Variants in FLT4 observed in about 807,000 individuals in gnomAD.
FLT4 encodes the protein fms related receptor tyrosine kinase 4.
Under a neutral mutation model 163.2 loss-of-function variants are expected in FLT4, and 30 were observed. The ratio of observed to expected loss-of-function variants is 0.18; its 90% CI spans 0.14 to 0.25. The LOEUF (loss-of-function observed/expected upper bound fraction) is 0.25. Among genes scored for constraint, FLT4 ranks in the 10% least tolerant of loss-of-function variants. FLT4 has a pLI of 1.00. For missense variants in FLT4, 1,510 were observed against 1,863.8 expected (o/e 0.81, Z 3.50); for synonymous variants, 884 against 789.5 (o/e 1.12, Z -2.01).
chr5:180,644,895 G>C (rs1368656765), intron 1 of FLT4, among the ~76,000 whole-genome samples: 1 of 152,258 alleles, frequency 6.6e-6, no homozygotes, highest in East Asian at 1.9e-4. Context: ...CTGTGAGCGG[G>C]AACGAAGCCA....
At chr5:180,611,577 A>ACCCCCGCCCTCAGCCCTCG (rs986127742) in intron 26 of FLT4, 98 bp from the exon 27 acceptor site, 7 of 1,088,194 alleles carry the variant, frequency 6.4e-6, no homozygotes, top group African/African-American at 6.2e-5. Context: ...CTCAGCCCTC[A>ACCCCCGCCCTCAGCCCTCG]CCCCCGCCCT....
intron 29 of FLT4, among the ~76,000 whole-genome samples, 165 bp from the exon 30 acceptor site, chr5:180,603,555 T>A (rs544818734): frequency 1.3e-5 from 2 of 152,186 alleles, no homozygotes; most frequent in East Asian, 3.9e-4. Flanking sequence ...CTACAAAAAA[T>A]ACAAAAATTA....
Position 180,620,424 on chromosome 5 carries a change from GA to G in FLT4, c.2407-117del, listed in dbSNP as rs1297178775. The G allele has an allele frequency of 7.2e-7, 1 of 1,394,504 alleles. No homozygotes were observed. Among genetic ancestry groups the G allele is most frequent in the Non-Finnish European group, 1.0e-6 (1 of 990,778 alleles). The allele number at this position is 1,394,504 out of a possible 1,614,324, so 86.4% of individuals were successfully genotyped here. A position where few individuals can be genotyped will look rare whatever the true frequency, so the allele number is the denominator to read the frequency against. On this transcript the variant is annotated intron_variant, in intron 16 of 29. Coordinates refer to ENST00000261937, the MANE Select transcript of FLT4 (RefSeq NM_182925.5). The surrounding 1 kb of genome is among the most constrained non-coding windows in gnomAD (Gnocchi z 4.4). ...ACTTCCTGCGGGGTTCTCAGTCAAG[GA>G]GGGGACAGAAAAAAAGACAGACAAC...
Position 180,614,168 on chromosome 5 carries a change from G to A in FLT4, c.3231C>T (p.Pro1077=), listed in dbSNP as rs764054461. 4 of 1,612,938 alleles carry A rather than the reference G, an allele frequency of 2.5e-6. No individual in the cohort carries two copies. The highest frequency in any genetic ancestry group is 1.3e-5 in the African/African-American group (1 of 75,024). The change falls in exon 24 of 30, where the codon CCC becomes CCT. Residue 1077 remains proline (P), a synonymous_variant. Transcript: ENST00000261937. The part of the protein sequence containing the change: ...DYVRKGSARL[P]LKWMAPESIF... ...TGCTTTCAGGGGCCATCCACTTCAGGGGCAGCCGGGCCTGGGGAGACAGAG... is the reference window on the plus strand; with the variant it reads ...TGCTTTCAGGGGCCATCCACTTCAGAGGCAGCCGGGCCTGGGGAGACAGAG...
In FLT4 at chr5:180,631,913, G is replaced by A. The variant is rs112796543; in HGVS notation, c.59-135C>T. ...GCAGCTCAGGTTCTCAGCCAGCACC[G>A]CGTGGCCTGGCCTCACCATGTGCGC... On this transcript the variant is annotated intron_variant, in intron 1 of 29. Transcript: ENST00000261937. 419 of 126,028 alleles carry A rather than the reference G, an allele frequency of 3.3e-3. 1 individual carries two copies. Among genetic ancestry groups the A allele is most frequent in the Admixed American group, 5.9e-3 (39 of 6,572 alleles). 7.8% of individuals were successfully genotyped at this position (126,028 alleles called of 1,614,324 possible). A position where few individuals can be genotyped will look rare whatever the true frequency, so the allele number is the denominator to read the frequency against.
intron 29 of FLT4, among the ~76,000 whole-genome samples, chr5:180,606,146 T>A (rs763316439): frequency 6.6e-6 from 1 of 152,236 alleles, no homozygotes; most frequent in Admixed American, 6.5e-5. Flanking sequence ...CTGCTGCCGA[T>A]ACAGGGTGGT....
chr5:180,631,996 A>G (rs1764209625), intron 1 of FLT4, among the ~76,000 whole-genome samples: 1 of 151,856 alleles, frequency 6.6e-6, no homozygotes, highest in Non-Finnish European at 1.5e-5. Flanking sequence ...CCACAGGCGC[A>G]CCCTGCCTTG....
rs928804532 is a variant in FLT4, at chr5:180,626,004, G to T, written c.1286C>A (p.Ala429Asp). 1 of 1,612,698 alleles carries T rather than the reference G, an allele frequency of 6.2e-7. No individual in the cohort carries two copies. The highest frequency in any genetic ancestry group is 8.5e-7 in the Non-Finnish European group (1 of 1,179,944). Reference sequence around the variant, plus strand: ...ACGCGAGTAGATGCTGGGGGAGGAGGCCTCCTTCTCATGTATCTGGGGGGG... The same window carrying T: ...ACGCGAGTAGATGCTGGGGGAGGAGTCCTCCTTCTCATGTATCTGGGGGGG... ...NVPPQIHEKEASSPSIYSRHS... is the reference protein window; with the variant it reads ...NVPPQIHEKEDSSPSIYSRHS... The change falls in exon 10 of 30, where the codon GCC (alanine) becomes GAC (aspartate). Residue 429 changes from alanine to aspartate, a missense_variant. Ala to Asp is a moderately radical substitution (Grantham distance 126). Coordinates refer to ENST00000261937, the MANE Select transcript of FLT4 (RefSeq NM_182925.5).
rs192884035 is a variant in FLT4, at chr5:180,637,993, C to T, written c.59-6215G>A. Among the ~76,000 whole-genome samples the T allele has an allele frequency of 1.8e-3, 281 of 152,260 alleles. 5 individuals carry two copies. Among genetic ancestry groups the T allele is most frequent in the African/African-American group, 6.5e-3 (268 of 41,532 alleles). On this transcript the variant is annotated intron_variant, in intron 1 of 29. Coordinates refer to ENST00000261937, the MANE Select transcript of FLT4 (RefSeq NM_182925.5). The stretch of plus-strand genomic sequence containing the variant: ...AGTGCAGCTCCTTCACTTCACAGAG[C>T]CACTGGGCGGGGCTCTTATGACCTC...
intron 28 of FLT4, 146 bp from the exon 29 acceptor site, chr5:180,609,199 T>C: frequency 1.4e-6 from 1 of 699,774 alleles, no homozygotes; most frequent in South Asian, 1.5e-5. Context: ...AAACAAGGCG[T>C]CCATTCCATC....
intron 12 of FLT4, among the ~76,000 whole-genome samples, chr5:180,622,167 T>C (rs893179979): frequency 6.6e-6 from 1 of 152,168 alleles, no homozygotes; most frequent in African/African-American, 2.4e-5. Flanking sequence ...TCCCTGGCTT[T>C]TCCCAGTGCC....
intron 11 of FLT4, among the ~76,000 whole-genome samples, 154 bp from the exon 12 acceptor site, chr5:180,622,993 G>A (rs1763285076): frequency 6.6e-6 from 1 of 152,148 alleles, no homozygotes. Context: ...ACAGGACCAG[G>A]GATAGTGAGG....
intron 8 of FLT4, among the ~76,000 whole-genome samples, chr5:180,626,739 G>C (rs1581666907): frequency 2.0e-5 from 3 of 152,220 alleles, no homozygotes; most frequent in Admixed American, 2.0e-4. Flanking sequence ...GAGTGGAGGT[G>C]CAGTCCCTGC....
rs768814790 is a variant in FLT4, at chr5:180,614,108, C to T, written c.3291G>A (p.Val1097=). ...CCCAGAGAAGCACCCCAAAGGACCACACGTCACTCTGCGTGGTGTACACCT... is the reference window on the plus strand; with the variant it reads ...CCCAGAGAAGCACCCCAAAGGACCATACGTCACTCTGCGTGGTGTACACCT... ...FDKVYTTQSD[V]WSFGVLLWEI... Residue 1097 remains valine (V), a synonymous_variant, in exon 24 of 30, where the codon GTG becomes GTA. Coordinates refer to ENST00000261937, the MANE Select transcript of FLT4 (RefSeq NM_182925.5). The T allele has an allele frequency of 4.3e-6, 7 of 1,614,022 alleles. No homozygotes were observed. The African/African-American group carries it at 8.0e-5, about 18-fold the overall frequency.
chr5:180,623,310 C>T lies in FLT4; in HGVS notation c.1549-471G>A, dbSNP rs573255118. On this transcript the variant is annotated intron_variant, in intron 11 of 29. Transcript: ENST00000261937. This position sits in a 1 kb window ranked among gnomAD's most constrained non-coding sequence, Gnocchi z 5.8. ...CCAGAACTGTCCTCAGCAGCAATCCCGAGGCCCAGGGTTATTGAGAGGGGT... is the reference window on the plus strand; with the variant it reads ...CCAGAACTGTCCTCAGCAGCAATCCTGAGGCCCAGGGTTATTGAGAGGGGT... Among the ~76,000 whole-genome samples the T allele has an allele frequency of 4.3e-4, 65 of 152,200 alleles. No individual in the cohort carries two copies. The highest frequency in any genetic ancestry group is 1.4e-3 in the African/African-American group (60 of 41,538).
At chr5:180,625,213 C>G (rs1763507091) in intron 10 of FLT4, among the ~76,000 whole-genome samples, 2 of 152,368 alleles carry the variant, frequency 1.3e-5, no homozygotes, top group South Asian at 4.1e-4. Flanking sequence ...CCTTCACTGG[C>G]TCCCTAGTGC....
rs768227334 is a variant in FLT4 at position 180,616,347 on chromosome 5, C to A, written c.3219+20G>T. The A allele has an allele frequency of 6.2e-7, 1 of 1,613,860 alleles. No homozygotes were observed. The highest frequency in any genetic ancestry group is 8.5e-7 in the Non-Finnish European group (1 of 1,179,954). On this transcript the variant is annotated intron_variant, in intron 23 of 29. Coordinates refer to ENST00000261937, the MANE Select transcript of FLT4 (RefSeq NM_182925.5). ...ACCTGTTCCGCCCCACGTTCCCTCT[C>A]CTCAATGGCCTGCACTCACACTGCC...
In FLT4 at chr5:180,629,011, GAGA is replaced by G; in HGVS notation, c.986-15_986-13del. The G allele has an allele frequency of 6.2e-7, 1 of 1,602,822 alleles. No individual in the cohort carries two copies. Among genetic ancestry groups the G allele is most frequent in the Non-Finnish European group, 8.5e-7 (1 of 1,171,036 alleles). On this transcript the variant is annotated splice_polypyrimidine_tract_variant and intron_variant, in intron 7 of 29. Coordinates refer to ENST00000261937, the MANE Select transcript of FLT4 (RefSeq NM_182925.5). ...GATGAAGGGATTTTCTGCCGGACAGGAGAAGTCACTGTAAATCCAGGACTGACC... is the reference window on the plus strand; with the variant it reads ...GATGAAGGGATTTTCTGCCGGACAGGAGTCACTGTAAATCCAGGACTGACC...
chr5:180,611,341 G>A lies in FLT4; in HGVS notation c.3676C>T (p.Leu1226=). The part of the protein sequence containing the change: ...DSPPSLQRHS[L]AARYYNWVSF... ...TGCAGGACAGCTGACCTGGCGGCCA[G>A]GCTGTGGCGCTGCAGGCTTGGCGGG... is the stretch of plus-strand genomic sequence containing the variant. The change falls in exon 27 of 30, where the codon CTG becomes TTG. Residue 1226 remains leucine (L), a synonymous_variant. Coordinates refer to ENST00000261937, the MANE Select transcript of FLT4 (RefSeq NM_182925.5). 1 of 1,613,920 alleles carries A rather than the reference G, an allele frequency of 6.2e-7. No homozygotes were observed. Among genetic ancestry groups the A allele is most frequent in the South Asian group, 1.1e-5 (1 of 91,088 alleles).
Sources: allele counts gnomAD v4.1 joint callset (sites outside exome capture counted in the v4.1 genomes callset), GRCh38; gene constraint gnomAD v4.1.1; non-coding constraint Gnocchi (gnomAD v3.1); transcripts MANE v1.5; gene names NCBI Gene and HGNC (gene_info 2026-07-23, HGNC 2026-07-21).